SLC35F4: variants seen among roughly 807,000 people sequenced by gnomAD.
The protein encoded by SLC35F4 is chromosome 14 open reading frame 36.
Under a neutral mutation model 44.2 loss-of-function variants are expected in SLC35F4, and 24 were observed. The observed-to-expected ratio is 0.54, with a 90% confidence interval of 0.39 to 0.76. SLC35F4 has a LOEUF of 0.76. Ranked by LOEUF, SLC35F4 falls within the 30% of genes least tolerant of loss-of-function variation. SLC35F4 has a pLI of 0.00. For missense variants in SLC35F4, 562 were observed against 586.1 expected, an observed-to-expected ratio of 0.96 and a Z score of 0.42; for synonymous variants, 238 against 223.6, an observed-to-expected ratio of 1.06 and a Z score of -0.57.
chr14:57,769,440 T>C (rs1202767253), intron 1 of SLC35F4, among the ~76,000 whole-genome samples: 1 of 152,128 alleles, frequency 6.6e-6, no homozygotes, highest in Non-Finnish European at 1.5e-5. Flanking sequence ...AATACAAAAT[T>C]GGGGTGTGAA....
intron 1 of SLC35F4, among the ~76,000 whole-genome samples, chr14:57,909,185 C>CACA (rs1227599894): frequency 1.3e-5 from 2 of 152,090 alleles, no homozygotes; most frequent in African/African-American, 4.8e-5. Context: ...AGAATTCCTG[C>CACA]ACACCATCTG....
At chr14:57,630,681 G>A in intron 1 of SLC35F4, 1 of 613,840 alleles carries the variant, frequency 1.6e-6, no homozygotes, top group Middle Eastern at 3.2e-4. Context: ...TATGCTCAGT[G>A]GCCATTGACA....
chr14:57,775,044 T>C (rs1473759670), intron 1 of SLC35F4, among the ~76,000 whole-genome samples: 5 of 152,058 alleles, frequency 3.3e-5, no homozygotes, highest in African/African-American at 9.7e-5. Flanking sequence ...CTGCCACTAG[T>C]GCAAAACAAG....
At chr14:57,957,375 C>A (rs951435020) in intron 1 of SLC35F4, among the ~76,000 whole-genome samples, 1 of 151,334 alleles carries the variant, frequency 6.6e-6, no homozygotes, top group Non-Finnish European at 1.5e-5. Context: ...CACTATGGCA[C>A]GTGTATAACT....
rs2076131244 is a variant in SLC35F4, at chr14:57,723,386, G to A, written c.104-129262C>T. Among the ~76,000 whole-genome samples the A allele has an allele frequency of 2.0e-5, 3 of 152,252 alleles. No individual in the cohort carries two copies. In the South Asian group the frequency reaches 6.2e-4, roughly 31 times the overall value. On this transcript the variant is annotated intron_variant, in intron 1 of 7. Transcript: ENST00000556826. ...ACCATATTGTATCCCTGGAGGGACT[G>A]TGGAGATTAGTGCCACCATCAAGGA...
intron 1 of SLC35F4, among the ~76,000 whole-genome samples, chr14:57,693,965 T>A (rs1164067773): frequency 1.3e-5 from 2 of 152,190 alleles, no homozygotes; most frequent in African/African-American, 4.8e-5. Flanking sequence ...ACTTCAGAGA[T>A]GAAAAAATTT....
intron 1 of SLC35F4, among the ~76,000 whole-genome samples, chr14:57,678,381 T>G (rs1181748497): frequency 6.6e-6 from 1 of 151,852 alleles, no homozygotes; most frequent in East Asian, 1.9e-4. Context: ...GCACTAAACA[T>G]GGAAAGGAAC....
At chr14:57,915,274 C>T (rs997784463) in intron 1 of SLC35F4, among the ~76,000 whole-genome samples, 18 of 152,076 alleles carry the variant, frequency 1.2e-4, no homozygotes, top group Non-Finnish European at 2.4e-4. Flanking sequence ...GGGGCACTCT[C>T]GAAGATCTTT....
intron 1 of SLC35F4, among the ~76,000 whole-genome samples, chr14:57,923,045 G>A (rs541600688): frequency 3.5e-4 from 54 of 152,268 alleles, no homozygotes; most frequent in South Asian, 2.9e-3. Flanking sequence ...GGTAGGTGCC[G>A]TTGTATCTAT....
chr14:57,833,285 C>T lies in SLC35F4; in HGVS notation c.103+32438G>A, dbSNP rs566691748. ...ATCCCTAGCTCTGCACATCCTGTGA[C>T]ATTAAATGATGCTTGTAAAGGACCA... On this transcript the variant is annotated intron_variant, in intron 1 of 7. Coordinates refer to ENST00000556826, the MANE Select transcript of SLC35F4 (RefSeq NM_001306087.2). 2.5e-3 allele frequency among the ~76,000 whole-genome samples: 380 copies of T among 152,342 alleles called. 5 individuals carry two copies. Among genetic ancestry groups the T allele is most frequent in the South Asian group, 0.024 (118 of 4,826 alleles).
intron 1 of SLC35F4, among the ~76,000 whole-genome samples, chr14:57,836,607 T>G (rs1399741799): frequency 6.6e-6 from 1 of 152,136 alleles, no homozygotes; most frequent in African/African-American, 2.4e-5. Context: ...TTATTTTAAC[T>G]CAAACATTTC....
chr14:57,952,008 G>C (rs1043837678), intron 1 of SLC35F4, among the ~76,000 whole-genome samples: 2 of 152,314 alleles, frequency 1.3e-5, no homozygotes, highest in Admixed American at 6.5e-5. Context: ...CTCCCAGCAG[G>C]GGTCGACAGA....
rs1890330693 is a variant in SLC35F4, at chr14:57,961,057, CG to C, written n.282+20855del. ...TGGACCCCCAACTCAGGCTCTGGCT[CG>C]TCAAGAAGATACGTGGGGCAAGTGA... On this transcript the variant is annotated intron_variant and non_coding_transcript_variant, in intron 1 of 1. Coordinates refer to the SLC35F4 transcript ENST00000556568. 2.0e-5 allele frequency among the ~76,000 whole-genome samples: 3 copies of C among 152,192 alleles called. No homozygotes were observed. The East Asian group carries it at 5.8e-4, about 30-fold the overall frequency.
At position 57,686,444 on chromosome 14, in the gene SLC35F4, G is replaced by A. The variant is rs138158334; in HGVS notation, c.104-92320C>T. Among the ~76,000 whole-genome samples the A allele has an allele frequency of 5.9e-5, 9 of 152,112 alleles. No homozygotes were observed. The East Asian group carries it at 7.7e-4, about 13-fold the overall frequency. ...AAAATCAAATTAGTGCAGCTGGGCC[G>A]ATTACCAAAAGCCATTAGAAGACTT... On this transcript the variant is annotated intron_variant, in intron 1 of 7. Transcript: ENST00000556826.
chr14:57,764,961 A>C (rs936538450), intron 1 of SLC35F4, among the ~76,000 whole-genome samples: 17 of 152,218 alleles, frequency 1.1e-4, no homozygotes, highest in African/African-American at 4.1e-4. Flanking sequence ...AATCCTCAGC[A>C]CTGTTTTAAA....
intron 1 of SLC35F4, among the ~76,000 whole-genome samples, chr14:57,964,426 C>G (rs1272126661): frequency 1.3e-5 from 2 of 152,024 alleles, no homozygotes; most frequent in African/African-American, 2.4e-5. Context: ...AATCAAAGCT[C>G]TTGCAGGAAA....
chr14:57,964,635 C>G (rs536623131), intron 1 of SLC35F4, among the ~76,000 whole-genome samples: 1 of 152,020 alleles, frequency 6.6e-6, no homozygotes, highest in Admixed American at 6.5e-5. Flanking sequence ...AGGAAGGAGC[C>G]TTTTTTATTC....
At chr14:57,702,642 A>G (rs1041960289) in intron 1 of SLC35F4, among the ~76,000 whole-genome samples, 3 of 152,172 alleles carry the variant, frequency 2.0e-5, no homozygotes, top group African/African-American at 7.2e-5. Flanking sequence ...TCCACCTCTA[A>G]TTTAAACATC....
chr14:57,567,742 T>C (rs2068278609), intron 6 of SLC35F4, among the ~76,000 whole-genome samples: 1 of 152,238 alleles, frequency 6.6e-6, no homozygotes, highest in African/African-American at 2.4e-5. Flanking sequence ...CAGGAATTTA[T>C]TAAATACAGC....
Sources: allele counts gnomAD v4.1 joint callset (sites outside exome capture counted in the v4.1 genomes callset), GRCh38; gene constraint gnomAD v4.1.1; transcripts MANE v1.5; gene names NCBI Gene and HGNC (gene_info 2026-07-23, HGNC 2026-07-21).